Variants in TMEM19 observed in about 807,000 individuals in gnomAD.
TMEM19 encodes the protein transmembrane protein 19.
Under a neutral mutation model 33.6 loss-of-function variants are expected in TMEM19, and 21 were observed. The ratio of observed to expected loss-of-function variants is 0.62; its 90% confidence interval spans 0.44 to 0.90. The LOEUF is 0.90. TMEM19 is among the 40% of genes least tolerant of loss of function. The pLI, the probability that TMEM19 is intolerant of heterozygous loss-of-function variation, is 0.00. For missense variants in TMEM19, 402 were observed against 401.8 expected (o/e 1.00, Z 0.00); for synonymous variants, 149 against 147.5 (o/e 1.01, Z -0.07).
chr12:71,698,788 A>G, intron 4 of TMEM19, 112 bp from the exon 5 acceptor site: 3 of 920,122 alleles, frequency 3.3e-6, no homozygotes, highest in Non-Finnish European at 5.1e-6. Flanking sequence ...AGATTGCATT[A>G]AAGAGAATGC....
At position 71,698,944 on chromosome 12, in the gene TMEM19, C is replaced by G; in HGVS notation, c.682C>G (p.Leu228Val). The G allele has an allele frequency of 6.2e-7, 1 of 1,614,134 alleles. No individual in the cohort carries two copies. Among genetic ancestry groups the G allele is most frequent in the Non-Finnish European group, 8.5e-7 (1 of 1,180,024 alleles). ...VTVVGLVSSL[L>V]GGTFVGIAYF... ...AGTGGTGGGCCTTGTCTCCAGTCTC[C>G]TTGGTGGTACCTTTGTGGGCATTGC... Residue 228 changes from leucine to valine, a missense_variant, in exon 5 of 6, where the codon CTT becomes GTT. Physicochemically the swap from Leu to Val is conservative, Grantham distance 32 (BLOSUM62 1). Coordinates refer to ENST00000266673, the MANE Select transcript of TMEM19 (RefSeq NM_018279.4).
chr12:71,695,684 A>C (rs528941736), intron 2 of TMEM19, among the ~76,000 whole-genome samples: 1 of 152,292 alleles, frequency 6.6e-6, no homozygotes, highest in African/African-American at 2.4e-5. Context: ...ATATTACAAA[A>C]ATTATCCCTG....
At chr12:71,700,369 G>A (rs1881955197) in intron 5 of TMEM19, among the ~76,000 whole-genome samples, 1 of 152,072 alleles carries the variant, frequency 6.6e-6, no homozygotes, top group Admixed American at 6.6e-5. Context: ...CTTTGTGCCA[G>A]CCCCATGCTC....
chr12:71,693,796 A>G (rs1393539893), intron 2 of TMEM19, among the ~76,000 whole-genome samples: 1 of 152,114 alleles, frequency 6.6e-6, no homozygotes, highest in Non-Finnish European at 1.5e-5. Flanking sequence ...GATAGTGAAT[A>G]AGTCTCACGA....
In TMEM19 at chr12:71,704,078, C is replaced by T. The variant is rs1397423704; in HGVS notation, c.*3083C>T. On this transcript the variant is annotated 3_prime_UTR_variant, in exon 6 of 6. Coordinates refer to ENST00000266673, the MANE Select transcript of TMEM19 (RefSeq NM_018279.4). The stretch of plus-strand genomic sequence containing the variant: ...AGCATAAAGGTGTACTGTTTCTTAT[C>T]ATACTGTTCCATGATAGAAGAGAGC... 4 of 415,086 alleles carry T rather than the reference C, an allele frequency of 9.6e-6. No individual in the cohort carries two copies. The highest frequency in any genetic ancestry group is 6.1e-5 in the African/African-American group (3 of 49,174). 25.7% of individuals were successfully genotyped at this position (415,086 alleles called of 1,614,324 possible).
chr12:71,690,933 A>G (rs1194721880), intron 2 of TMEM19, among the ~76,000 whole-genome samples: 2 of 152,238 alleles, frequency 1.3e-5, no homozygotes, highest in East Asian at 3.8e-4. Context: ...TCGTGGTCCT[A>G]TGGTTTTGTC....
intron 4 of TMEM19, among the ~76,000 whole-genome samples, chr12:71,698,151 C>G (rs1371902969): frequency 1.3e-5 from 2 of 152,156 alleles, no homozygotes; most frequent in African/African-American, 4.8e-5. Flanking sequence ...ACCTATACTG[C>G]TTCTTTTTGT....
chr12:71,704,164 T>C lies in TMEM19; in HGVS notation c.*3169T>C. Reference sequence around the variant, plus strand: ...CTTGCAGGAGTAGCATGTTGAAAACTCATTAAATGGAGCCACCAAGAGACC... The same window carrying C: ...CTTGCAGGAGTAGCATGTTGAAAACCCATTAAATGGAGCCACCAAGAGACC... On this transcript the variant is annotated 3_prime_UTR_variant, in exon 6 of 6. Transcript: ENST00000266673. 4.4e-6 allele frequency: 1 copy of C among 225,064 alleles called. No individual in the cohort carries two copies. Among genetic ancestry groups the C allele is most frequent in the Non-Finnish European group, 9.5e-6 (1 of 104,874 alleles). The allele number at this position is 225,064 out of a possible 1,614,324, so 13.9% of individuals were successfully genotyped here.
At chr12:71,697,583 C>A in intron 4 of TMEM19, 49 bp downstream of exon 4, 1 of 1,511,792 alleles carries the variant, frequency 6.6e-7, no homozygotes, top group South Asian at 1.4e-5. Context: ...GTTGGTGAGT[C>A]TTGATTTGAG....
At position 71,696,506 on chromosome 12, in the gene TMEM19, G is replaced by T. The variant is rs1565854209; in HGVS notation, c.315G>T (p.Leu105Phe). The T allele has an allele frequency of 1.9e-6, 3 of 1,611,854 alleles. No individual in the cohort carries two copies. Among genetic ancestry groups the T allele is most frequent in the Non-Finnish European group, 2.5e-6 (3 of 1,178,728 alleles). Residue 105 changes from leucine to phenylalanine, a missense_variant, in exon 3 of 6, where the codon TTG becomes TTT. Physicochemically the swap from Leu to Phe is conservative, Grantham distance 22 (BLOSUM62 0). Coordinates refer to ENST00000266673, the MANE Select transcript of TMEM19 (RefSeq NM_018279.4). ...TTACCTCTTTGCTGATGTTTTTCTT[G>T]TCTTCTTCGAAACTCACTAAATGGA... ...SFFTSLLMFF[L>F]SSSKLTKWKG...
At position 71,689,815 on chromosome 12, in the gene TMEM19, T is replaced by C. The variant is rs544673586; in HGVS notation, c.244+111T>C. 26 of 744,676 alleles carry C rather than the reference T, an allele frequency of 3.5e-5. No homozygotes were observed. The Admixed American group carries it at 4.2e-4, about 12-fold the overall frequency. 46.1% of individuals were successfully genotyped at this position (744,676 alleles called of 1,614,324 possible). On this transcript the variant is annotated intron_variant, in intron 2 of 5. Transcript: ENST00000266673. ...TGAGACTGACTACAAATCACAGTTA[T>C]ATATTTTAGACAATGATAAAGTTAC... is the stretch of plus-strand genomic sequence containing the variant.
intron 1 of TMEM19, among the ~76,000 whole-genome samples, chr12:71,688,269 G>T (rs1477149109): frequency 6.6e-6 from 1 of 151,874 alleles, no homozygotes; most frequent in South Asian, 2.1e-4. Context: ...ACGGAGTTTC[G>T]CTCTTTTTGC....
At position 71,701,958 on chromosome 12, in the gene TMEM19, CTA is replaced by C; in HGVS notation, c.*965_*966del. The C allele has an allele frequency of 6.6e-6, 1 of 152,306 alleles. No individual in the cohort carries two copies. Among genetic ancestry groups the C allele is most frequent in the Middle Eastern group, 3.4e-3 (1 of 294 alleles). The allele number at this position is 152,306 out of a possible 1,614,324, so 9.4% of individuals were successfully genotyped here. A position where few individuals can be genotyped will look rare whatever the true frequency, so the allele number is the denominator to read the frequency against. ...TGTAGCCTCAACTAAGGCAATTCTG[CTA>C]TGTTTGTTCTTCACTATGATTTACT... is the stretch of plus-strand genomic sequence containing the variant. On this transcript the variant is annotated 3_prime_UTR_variant, in exon 6 of 6. Transcript: ENST00000266673.
chr12:71,699,211 G>A, intron 5 of TMEM19, 102 bp downstream of exon 5: 2 of 1,261,592 alleles, frequency 1.6e-6, no homozygotes, highest in Non-Finnish European at 2.3e-6. Flanking sequence ...AAGACACAGG[G>A]TGTTGAGGGA....
In TMEM19 at chr12:71,700,974, G is replaced by C. The variant is rs1473993509; in HGVS notation, c.990G>C (p.Trp330Cys). 2.5e-6 allele frequency: 4 copies of C among 1,611,176 alleles called. No individual in the cohort carries two copies. Among genetic ancestry groups the C allele is most frequent in the Non-Finnish European group, 2.5e-6 (3 of 1,178,844 alleles). The change falls in exon 6 of 6, where the codon TGG becomes TGC. Residue 330 changes from tryptophan to cysteine, a missense_variant. Coordinates refer to ENST00000266673, the MANE Select transcript of TMEM19 (RefSeq NM_018279.4). ...LIALLLPTAA[W>C]GFWPRG The stretch of plus-strand genomic sequence containing the variant: ...CCCTCTTGCTCCCAACTGCTGCTTG[G>C]GGTTTTTGGCCCAGGGGGTGAACTT...
Position 71,686,726 on chromosome 12 carries a change from A to T in TMEM19, c.46A>T (p.Ile16Leu), listed in dbSNP as rs751209495. ...TATATGCAAAAGATATATAAAGATG[A>T]TAACTAATATAGTTATACTGAGCCT... ...DNICKRYIKM[I>L]TNIVILSLII... The change falls in exon 1 of 6, where the codon ATA (isoleucine) becomes TTA (leucine). Residue 16 changes from isoleucine to leucine, a missense_variant. Coordinates refer to ENST00000266673, the MANE Select transcript of TMEM19 (RefSeq NM_018279.4). The T allele has an allele frequency of 1.2e-6, 2 of 1,612,174 alleles. No homozygotes were observed. Among genetic ancestry groups the T allele is most frequent in the Non-Finnish European group, 1.7e-6 (2 of 1,179,330 alleles).
In TMEM19 at chr12:71,686,511, G is replaced by T; in HGVS notation, c.-170G>T. The T allele has an allele frequency of 1.5e-6, 1 of 648,446 alleles. No individual in the cohort carries two copies. Among genetic ancestry groups the T allele is most frequent in the Non-Finnish European group, 2.5e-6 (1 of 399,602 alleles). 40.2% of individuals were successfully genotyped at this position (648,446 alleles called of 1,614,324 possible). A position where few individuals can be genotyped will look rare whatever the true frequency, so the allele number is the denominator to read the frequency against. The stretch of plus-strand genomic sequence containing the variant: ...TATGAATTGGAGCTCTCCGCCAGTA[G>T]GAGTTTCCGGAAGGAGTTTGAATTT... On this transcript the variant is annotated 5_prime_UTR_variant, in exon 1 of 6. In the 5' UTR this introduces an upstream ATG that the reference lacks. Transcript: ENST00000266673.
rs543226443 is a variant in TMEM19 at position 71,686,456 on chromosome 12, G to T, written c.-225G>T. 194 of 416,122 alleles carry T rather than the reference G, an allele frequency of 4.7e-4. 2 individuals are homozygous for T. In the South Asian group the frequency reaches 5.0e-3, roughly 11 times the overall value. The allele number at this position is 416,122 out of a possible 1,614,324, so 25.8% of individuals were successfully genotyped here. On this transcript the variant is annotated 5_prime_UTR_variant, in exon 1 of 6. Transcript: ENST00000266673. ...CTCACCGTCCGCCGGGTTGCGCTCT[G>T]CTTTTGCGGTGAGGCGTTGACCACG...
At chr12:71,700,766 G>C in intron 5 of TMEM19, 66 bp from the exon 6 acceptor site, 1 of 1,151,140 alleles carries the variant, frequency 8.7e-7, no homozygotes, top group Non-Finnish European at 1.1e-6. Flanking sequence ...AAAAAAAAAA[G>C]AAAGAAAAGA....
Sources: allele counts gnomAD v4.1 joint callset (sites outside exome capture counted in the v4.1 genomes callset), GRCh38; gene constraint gnomAD v4.1.1; transcripts MANE v1.5; gene names NCBI Gene and HGNC (gene_info 2026-07-23, HGNC 2026-07-21).